B9D2: variants seen among roughly 807,000 people sequenced by gnomAD.
B9D2 encodes B9 domain containing 2, also known as B9 domain-containing protein 2.
In B9D2, 21 loss-of-function variants were observed where a neutral mutation model predicts 19.2. The observed-to-expected ratio is 1.09, with a 90% CI of 0.78 to 1.58. The LOEUF is 1.58. Among genes scored for constraint, B9D2 ranks in the 40% most tolerant of loss-of-function variants. The pLI is 0.00. For missense variants in B9D2, 221 were observed against 244.3 expected (o/e 0.90, Z 0.64); for synonymous variants, 91 against 100.6 (o/e 0.90, Z 0.57).
rs528692347 is a variant in B9D2, at chr19:41,354,777, T to G, written c.451A>C (p.Thr151Pro). The stretch of plus-strand genomic sequence containing the variant: ...AGGTGCACGGTGCCACCAGCAGCTG[T>G]GTGCAGGCGATAGCGGTCGGCCCCA... ...YSGADRYRLHTAAGGTVHLEI... is the reference protein window; with the variant it reads ...YSGADRYRLHPAAGGTVHLEI... The change falls in exon 4 of 4, where the codon ACA becomes CCA. Residue 151 changes from threonine to proline, a missense_variant. Transcript: ENST00000243578. 1 of 1,613,900 alleles carries G rather than the reference T, an allele frequency of 6.2e-7. No homozygotes were observed. The highest frequency in any genetic ancestry group is 1.3e-5 in the African/African-American group (1 of 74,924).
intron 2 of B9D2, 62 bp downstream of exon 2, chr19:41,363,370 G>T: frequency 6.6e-7 from 1 of 1,524,700 alleles, no homozygotes; most frequent in South Asian, 1.1e-5. Flanking sequence ...GGTGGAGGAA[G>T]GAGCATGTAG....
At chr19:41,362,775 T>G (rs2038431877) in intron 2 of B9D2, among the ~76,000 whole-genome samples, 1 of 152,194 alleles carries the variant, frequency 6.6e-6, no homozygotes, top group Non-Finnish European at 1.5e-5. Flanking sequence ...GTGCTGCTTC[T>G]TAGCTACTAT....
At chr19:41,356,060 G>T (rs2038308726) in intron 3 of B9D2, among the ~76,000 whole-genome samples, 1 of 152,226 alleles carries the variant, frequency 6.6e-6, no homozygotes, top group South Asian at 2.1e-4. Flanking sequence ...AGAATGAGGT[G>T]GGGAGACGGG....
rs150023579 is a variant in B9D2, at chr19:41,357,980, G to A, written c.131C>T (p.Thr44Met). The A allele has an allele frequency of 1.3e-4, 217 of 1,614,010 alleles. No individual in the cohort carries two copies. Among genetic ancestry groups the A allele is most frequent in the Non-Finnish European group, 1.6e-4 (184 of 1,180,012 alleles). ...CCCTATCTGCGGGGTGTCCACTTGCGTTTGGCCCTCCCGCACGCCTGACAG... is the reference window on the plus strand; with the variant it reads ...CCCTATCTGCGGGGTGTCCACTTGCATTTGGCCCTCCCGCACGCCTGACAG... ...KLLSGVREGQ[T>M]QVDTPQIGDM... The change falls in exon 3 of 4, where the codon ACG becomes ATG. Residue 44 changes from threonine (T) to methionine (M), a missense_variant. By Grantham distance (81) the Thr-to-Met change is moderately conservative (BLOSUM62 -1). Coordinates refer to ENST00000243578, the MANE Select transcript of B9D2 (RefSeq NM_030578.4).
intron 2 of B9D2, among the ~76,000 whole-genome samples, chr19:41,359,092 C>T (rs1460563526): frequency 6.6e-6 from 1 of 152,050 alleles, no homozygotes; most frequent in African/African-American, 2.4e-5. Flanking sequence ...GAGATTGCAC[C>T]ACTGCACTCC....
chr19:41,361,791 A>T (rs2038406933), intron 2 of B9D2, among the ~76,000 whole-genome samples: 1 of 59,286 alleles, frequency 1.7e-5, no homozygotes, highest in African/African-American at 7.1e-5. Flanking sequence ...TGTCTCAAAA[A>T]AAAAAGGGCC....
Position 41,354,788 on chromosome 19 carries a change from T to A in B9D2, c.440A>T (p.Tyr147Phe), listed in dbSNP as rs368090912. Residue 147 changes from tyrosine to phenylalanine, a missense_variant, in exon 4 of 4, where the codon TAT becomes TTT. Coordinates refer to ENST00000243578, the MANE Select transcript of B9D2 (RefSeq NM_030578.4). ...GDTIYSGADR[Y>F]RLHTAAGGTV... ...GCCACCAGCAGCTGTGTGCAGGCGA[T>A]AGCGGTCGGCCCCACTGTAGATGGT... is the stretch of plus-strand genomic sequence containing the variant. 1.9e-6 allele frequency: 3 copies of A among 1,614,032 alleles called. No individual in the cohort carries two copies. The highest frequency in any genetic ancestry group is 2.5e-6 in the Non-Finnish European group (3 of 1,180,016).
In B9D2 at chr19:41,358,032, G is replaced by A. The variant is rs777993645; in HGVS notation, c.89-10C>T. On this transcript the variant is annotated splice_polypyrimidine_tract_variant and intron_variant, in intron 2 of 3. Coordinates refer to ENST00000243578, the MANE Select transcript of B9D2 (RefSeq NM_030578.4). ...AGCTTCCATGCCGCCCCTGCAGTGA[G>A]AGCCGGGACATAGAGGGGTGGGAGG... The A allele has an allele frequency of 8.1e-6, 13 of 1,614,076 alleles. 1 individual carries two copies. The South Asian group carries it at 1.4e-4, about 18-fold the overall frequency.
chr19:41,354,665 G>A lies in B9D2; in HGVS notation c.*35C>T, dbSNP rs770156440. 1.9e-6 allele frequency: 3 copies of A among 1,612,824 alleles called. No individual in the cohort carries two copies. In the South Asian group the frequency reaches 3.3e-5, roughly 18 times the overall value. On this transcript the variant is annotated 3_prime_UTR_variant, in exon 4 of 4. Coordinates refer to ENST00000243578, the MANE Select transcript of B9D2 (RefSeq NM_030578.4). ...TCCTCCCCCATCACTGGGTGTCCGGGGTGTGGATGGTGGTGACGTTGGAGG... is the reference window on the plus strand; with the variant it reads ...TCCTCCCCCATCACTGGGTGTCCGGAGTGTGGATGGTGGTGACGTTGGAGG...
chr19:41,363,832 A>C (rs969970450), intron 1 of B9D2, 126 bp downstream of exon 1: 2 of 536,332 alleles, frequency 3.7e-6, no homozygotes, highest in Non-Finnish European at 6.7e-6. Context: ...AGCGCAAAAG[A>C]CCCGCCTTCC....
chr19:41,355,432 C>CCCT (rs11466313), intron 3 of B9D2, among the ~76,000 whole-genome samples: 105,478 of 151,744 alleles, frequency 0.7, 37,322 homozygotes, highest in African/African-American at 0.79. Context: ...CTCCTGCCTT[C>CCCT]CCTCATGTCC....
intron 2 of B9D2, among the ~76,000 whole-genome samples, chr19:41,361,553 C>G (rs556073724): frequency 6.6e-6 from 1 of 151,886 alleles, no homozygotes; most frequent in Non-Finnish European, 1.5e-5. Flanking sequence ...TTTGGAAGGC[C>G]TACGCAGGCG....
At chr19:41,360,489 CTGTT>C (rs893772857) in intron 2 of B9D2, among the ~76,000 whole-genome samples, 2 of 151,560 alleles carry the variant, frequency 1.3e-5, no homozygotes, top group Non-Finnish European at 2.9e-5. Flanking sequence ...ACTCGTTTAT[CTGTT>C]TATTTATTTT....
intron 2 of B9D2, among the ~76,000 whole-genome samples, chr19:41,358,657 T>A (rs956841882): frequency 1.3e-5 from 2 of 152,140 alleles, no homozygotes; most frequent in Admixed American, 1.3e-4. Context: ...CAGGAGCGCA[T>A]CCTGAAACAC....
At chr19:41,357,436 A>T (rs916759374) in intron 3 of B9D2, among the ~76,000 whole-genome samples, 4 of 152,024 alleles carry the variant, frequency 2.6e-5, no homozygotes, top group Non-Finnish European at 4.4e-5. Context: ...GAATCAACTC[A>T]TCTCCAGGAA....
chr19:41,358,556 C>T (rs777103770), intron 2 of B9D2, among the ~76,000 whole-genome samples: 10 of 152,024 alleles, frequency 6.6e-5, no homozygotes, highest in East Asian at 1.9e-4. Context: ...ATAGTGAGCA[C>T]GGGATAAGTC....
intron 3 of B9D2, among the ~76,000 whole-genome samples, chr19:41,357,659 C>A (rs868182709): frequency 2.6e-5 from 4 of 151,832 alleles, no homozygotes; most frequent in Non-Finnish European, 4.4e-5. Context: ...CCTGACCCCC[C>A]ACCTTCCCAC....
chr19:41,360,119 A>G (rs1568485303), intron 2 of B9D2, among the ~76,000 whole-genome samples: 1 of 150,642 alleles, frequency 6.6e-6, no homozygotes, highest in Non-Finnish European at 1.5e-5. Context: ...TCCCTGCCAC[A>G]TCATTTCTTT....
chr19:41,355,016 G>C lies in B9D2; in HGVS notation c.215-3C>G. The C allele has an allele frequency of 6.3e-7, 1 of 1,586,218 alleles. No homozygotes were observed. Among genetic ancestry groups the C allele is most frequent in the Non-Finnish European group, 8.6e-7 (1 of 1,164,226 alleles). Reference sequence around the variant, plus strand: ...CTGGAAATGGAGCCGGGGCCAGCCTGCAGGAAAGGAGAGAGAGGGGAAAGG... The same window carrying C: ...CTGGAAATGGAGCCGGGGCCAGCCTCCAGGAAAGGAGAGAGAGGGGAAAGG... On this transcript the variant is annotated splice_polypyrimidine_tract_variant and splice_region_variant and intron_variant, in intron 3 of 3. Transcript: ENST00000243578.
Sources: gnomAD v4.1 joint callset for allele counts (sites outside exome capture counted in the v4.1 genomes callset) on GRCh38, gnomAD v4.1.1 for gene constraint, MANE v1.5 for transcripts, NCBI Gene and HGNC (gene_info 2026-07-23, HGNC 2026-07-21) for gene names.